Variants in SHB observed in about 807,000 individuals in gnomAD.
SHB encodes the protein SH2 domain-containing adapter protein B.
Under a neutral mutation model 52.3 loss-of-function variants are expected in SHB, and 20 were observed. The observed-to-expected ratio is 0.38, with a 90% CI of 0.27 to 0.56. The LOEUF (loss-of-function observed/expected upper bound fraction) is 0.56. Ranked by LOEUF, SHB falls within the 20% of genes least tolerant of loss-of-function variation. SHB has a pLI of 0.71. For synonymous variants in SHB, 397 were observed against 316.5 expected (o/e 1.25, Z -2.70); for missense variants, 825 against 723.3 (o/e 1.14, Z -1.61).
chr9:38,066,623 T>C lies in SHB; in HGVS notation c.717+1306A>G, dbSNP rs550179281. On this transcript the variant is annotated intron_variant, in intron 1 of 5. Coordinates refer to ENST00000377707, the MANE Select transcript of SHB (RefSeq NM_003028.3). The stretch of plus-strand genomic sequence containing the variant: ...CTTCCGAGGGGTGCCCCAAACTGCC[T>C]CCAGGGAGAGGTGGGATCTTCCACG... 2.0e-5 allele frequency among the ~76,000 whole-genome samples: 3 copies of C among 152,162 alleles called. No homozygotes were observed. The East Asian group carries it at 5.8e-4, about 29-fold the overall frequency.
At chr9:38,050,261 A>G (rs1821722545) in intron 1 of SHB, among the ~76,000 whole-genome samples, 1 of 152,224 alleles carries the variant, frequency 6.6e-6, no homozygotes, top group South Asian at 2.1e-4. Flanking sequence ...TCTTTTATTC[A>G]GCAATGGGAA....
In SHB at chr9:37,980,197, G is replaced by A. The variant is rs184936035; in HGVS notation, c.839-5360C>T. Among the ~76,000 whole-genome samples the A allele has an allele frequency of 5.9e-5, 9 of 152,332 alleles. No individual in the cohort carries two copies. The East Asian group carries it at 1.7e-3, about 29-fold the overall frequency. The stretch of plus-strand genomic sequence containing the variant: ...GAAAGATTTCTCTTAGCGAAAGGCT[G>A]TTTTATAACATTTTACCCACGGCAG... On this transcript the variant is annotated intron_variant, in intron 2 of 5. Coordinates refer to ENST00000377707, the MANE Select transcript of SHB (RefSeq NM_003028.3).
chr9:37,995,214 C>T (rs1314690168), intron 2 of SHB, among the ~76,000 whole-genome samples: 1 of 152,148 alleles, frequency 6.6e-6, no homozygotes, highest in Admixed American at 6.5e-5. Context: ...ACTCACGTCC[C>T]CTGACGGAGG....
intron 1 of SHB, among the ~76,000 whole-genome samples, chr9:38,042,387 C>T (rs1821596165): frequency 6.6e-6 from 1 of 152,188 alleles, no homozygotes; most frequent in South Asian, 2.1e-4. Context: ...CAGTGTTGTG[C>T]GTAACACACT....
At chr9:37,937,649 C>CA (rs1832389087) in intron 5 of SHB, among the ~76,000 whole-genome samples, 1 of 152,224 alleles carries the variant, frequency 6.6e-6, no homozygotes, top group South Asian at 2.1e-4. Flanking sequence ...GCATACACAA[C>CA]AAAACCTCAT....
At chr9:37,984,187 G>A (rs1820775345) in intron 2 of SHB, among the ~76,000 whole-genome samples, 1 of 152,190 alleles carries the variant, frequency 6.6e-6, no homozygotes, top group Admixed American at 6.5e-5. Context: ...CTTCCTTGGA[G>A]CCCCATCTCC....
chr9:37,963,999 C>T (rs1832721744), intron 3 of SHB, among the ~76,000 whole-genome samples: 1 of 152,182 alleles, frequency 6.6e-6, no homozygotes, highest in Non-Finnish European at 1.5e-5. Flanking sequence ...GAGGTGAGGC[C>T]CCTTCTTCCC....
intron 1 of SHB, among the ~76,000 whole-genome samples, chr9:38,065,368 C>A (rs1375729347): frequency 6.6e-6 from 1 of 152,102 alleles, no homozygotes; most frequent in Non-Finnish European, 1.5e-5. Flanking sequence ...ACCAGAAGAC[C>A]CAGAGGGACA....
intron 2 of SHB, among the ~76,000 whole-genome samples, chr9:37,984,938 G>C (rs932494054): frequency 1.3e-5 from 2 of 152,172 alleles, no homozygotes; most frequent in African/African-American, 4.8e-5. Context: ...GGGCAGGGCA[G>C]CTCAGAGACG....
At chr9:38,061,015 G>A (rs1272155514) in intron 1 of SHB, among the ~76,000 whole-genome samples, 1 of 152,174 alleles carries the variant, frequency 6.6e-6, no homozygotes, top group Non-Finnish European at 1.5e-5. Flanking sequence ...AGTCAGAGAC[G>A]ACCACCACCT....
chr9:37,974,765 T>G lies in SHB; in HGVS notation c.911A>C (p.Glu304Ala). The part of the protein sequence containing the change: ...IQLYDTPYEP[E>A]GQSVDSDSES... ...CGAGTCTGAGTCAACACTTTGGCCT[T>G]CAGGTTCGTAAGGGGTGTCATATAA... The change falls in exon 3 of 6, where the codon GAA becomes GCA. Residue 304 changes from glutamate to alanine, a missense_variant. Transcript: ENST00000377707. The G allele has an allele frequency of 6.2e-7, 1 of 1,614,134 alleles. No homozygotes were observed. The highest frequency in any genetic ancestry group is 8.5e-7 in the Non-Finnish European group (1 of 1,180,010).
chr9:37,991,774 C>A (rs1337666872), intron 2 of SHB, among the ~76,000 whole-genome samples: 2 of 152,194 alleles, frequency 1.3e-5, no homozygotes, highest in Non-Finnish European at 2.9e-5. Context: ...AAGCTCTGAA[C>A]CAAAAACCAA....
At chr9:38,016,905 T>C (rs574562839) in intron 1 of SHB, among the ~76,000 whole-genome samples, 6 of 152,068 alleles carry the variant, frequency 3.9e-5, no homozygotes, top group Non-Finnish European at 7.4e-5. Context: ...CCCTGCCTCT[T>C]CTCCCCAGAG....
At chr9:37,971,123 A>T (rs1457793008) in intron 3 of SHB, among the ~76,000 whole-genome samples, 2 of 152,144 alleles carry the variant, frequency 1.3e-5, no homozygotes, top group African/African-American at 2.4e-5. Context: ...GACAGGTACT[A>T]TGCTAAGGAT....
At chr9:37,963,137 T>C (rs1275024599) in intron 3 of SHB, among the ~76,000 whole-genome samples, 4 of 152,132 alleles carry the variant, frequency 2.6e-5, no homozygotes, top group African/African-American at 7.2e-5. Context: ...CATCCTCTTG[T>C]CCTCACCATT....
At chr9:38,038,410 T>A (rs1315306523) in intron 1 of SHB, among the ~76,000 whole-genome samples, 2 of 151,380 alleles carry the variant, frequency 1.3e-5, no homozygotes, top group Non-Finnish European at 2.9e-5. Context: ...ACCCAGGGAG[T>A]CATCTTACCA....
chr9:38,013,054 A>G (rs1821162082), intron 2 of SHB, among the ~76,000 whole-genome samples: 1 of 152,016 alleles, frequency 6.6e-6, no homozygotes, highest in Admixed American at 6.6e-5. Flanking sequence ...ACAAAGAATT[A>G]CACACAAATA....
chr9:37,966,485 C>CT (rs1175387112), intron 3 of SHB, among the ~76,000 whole-genome samples: 4 of 152,116 alleles, frequency 2.6e-5, no homozygotes, highest in African/African-American at 9.7e-5. Context: ...AATACATTAG[C>CT]CAAAGGAAAC....
intron 3 of SHB, among the ~76,000 whole-genome samples, chr9:37,973,081 T>C (rs1820610556): frequency 6.6e-6 from 1 of 152,228 alleles, no homozygotes; most frequent in Non-Finnish European, 1.5e-5. Context: ...CTCTAGGTTA[T>C]TATGAACTCT....
Sources: gnomAD v4.1 joint callset for allele counts (sites outside exome capture counted in the v4.1 genomes callset) on GRCh38, gnomAD v4.1.1 for gene constraint, MANE v1.5 for transcripts, NCBI Gene and HGNC (gene_info 2026-07-23, HGNC 2026-07-21) for gene names.